IRAG2: variants seen among roughly 807,000 people sequenced by gnomAD.
IRAG2 encodes the protein inositol 1,4,5-triphosphate receptor associated 2.
A neutral mutation model predicts 69.9 loss-of-function variants in IRAG2; 45 were observed. The observed-to-expected ratio is 0.64, with a 90% CI of 0.51 to 0.83. The LOEUF (loss-of-function observed/expected upper bound fraction) is 0.83, where lower values mean the gene tolerates loss of function less well. Among genes scored for constraint, IRAG2 ranks in the 40% least tolerant of loss-of-function variants. The pLI, the probability that IRAG2 is intolerant of heterozygous loss-of-function variation, is 0.00. For missense variants in IRAG2, 520 were observed against 587.0 expected (o/e 0.89, Z 1.18); for synonymous variants, 193 against 202.4 (o/e 0.95, Z 0.40).
chr12:25,050,540 C>CA (rs1565535121), upstream of IRAG2, among the ~76,000 whole-genome samples: 1,081 of 14,302 alleles, frequency 0.076, 34 homozygotes, highest in South Asian at 0.17. Flanking sequence ...AAAAAACAAA[C>CA]AAACAAACAA....
In IRAG2 at chr12:25,103,849, C is replaced by A; in HGVS notation, c.946C>A (p.Arg316=). ...ASLNSKPSSL[R]RVTIASLPRN... ...CTCCTTCTGGTAGCCATCTTCTCTA[C>A]GAAGAGTGACTATTGCCTCTTTACC... The change falls in exon 18 of 22, where the codon CGA becomes AGA. Residue 316 remains arginine (R), a synonymous_variant. Coordinates refer to ENST00000556887, the MANE Select transcript of IRAG2 (RefSeq NM_001366544.2). The A allele has an allele frequency of 6.2e-7, 1 of 1,612,168 alleles. No individual in the cohort carries two copies. Among genetic ancestry groups the A allele is most frequent in the South Asian group, 1.1e-5 (1 of 91,008 alleles).
Position 25,083,427 on chromosome 12 carries a change from A to G in IRAG2, c.249A>G (p.Thr83=). ...SASPTIEAQG[T]SPAHDNIAFQ... Reference sequence around the variant, plus strand: ...TGTGTTTCCTGTTTCTCACAGGCACAAGTCCAGCTCATGATAATATTGCAT... The same window carrying G: ...TGTGTTTCCTGTTTCTCACAGGCACGAGTCCAGCTCATGATAATATTGCAT... The change falls in exon 10 of 22, where the codon ACA becomes ACG. Residue 83 remains threonine, a synonymous_variant. Transcript: ENST00000556887. 1 of 1,609,748 alleles carries G rather than the reference A, an allele frequency of 6.2e-7. No homozygotes were observed.
intron 6 of IRAG2, among the ~76,000 whole-genome samples, chr12:25,077,266 A>AAT (rs57883311): frequency 0.28 from 9,027 of 32,076 alleles, 2,504 homozygotes; most frequent in Middle Eastern, 0.31. Context: ...ATATATATGA[A>AAT]ATATATATGA....
At position 25,107,876 on chromosome 12, in the gene IRAG2, AG is replaced by A. The variant is rs1949316873; in HGVS notation, c.1318del (p.Ala440ProfsTer15). Reference protein sequence around the residue: ...NLKSSIRKANKALWLSIAFIV... With the variant: ...NLKSSIRKANXALWLSIAFIV... ...AAGTCCTCCATCAGAAAGGCTAATA[AG>A]GCCCTCTGGCTCTCTATTGCATTCA... On this transcript the variant is annotated frameshift_variant, in exon 22 of 22. Transcript: ENST00000556887. LOFTEE classifies it high-confidence loss of function. 3 of 1,614,046 alleles carry A rather than the reference AG, an allele frequency of 1.9e-6. No homozygotes were observed.
chr12:25,064,397 T>C (rs1026477018), intron 4 of IRAG2, among the ~76,000 whole-genome samples: 1 of 152,164 alleles, frequency 6.6e-6, no homozygotes, highest in African/African-American at 2.4e-5. Context: ...GGCAAGTCAT[T>C]TTGAAAATGA....
chr12:25,086,169 G>A (rs1306067359), intron 10 of IRAG2, among the ~76,000 whole-genome samples: 2 of 152,182 alleles, frequency 1.3e-5, no homozygotes, highest in East Asian at 3.8e-4. Flanking sequence ...GGATACTATG[G>A]CAATAATTCA....
chr12:25,001,353 G>A (rs996843609), upstream of IRAG2, among the ~76,000 whole-genome samples: 2 of 152,130 alleles, frequency 1.3e-5, no homozygotes, highest in Non-Finnish European at 2.9e-5. Context: ...GCTTAGGTAG[G>A]AGGATTGCTT....
At chr12:25,064,332 TAAGAA>T (rs1344340406) in intron 4 of IRAG2, among the ~76,000 whole-genome samples, 3 of 151,736 alleles carry the variant, frequency 2.0e-5, no homozygotes, top group South Asian at 2.1e-4. Context: ...ACAAAAAAAA[TAAGAA>T]GAGAAGTAAG....
intron 10 of IRAG2, among the ~76,000 whole-genome samples, chr12:25,087,177 T>G (rs868262383): frequency 1.5e-4 from 19 of 127,552 alleles, no homozygotes; most frequent in African/African-American, 6.3e-4. Flanking sequence ...TTTTTTTTTT[T>G]TTTTTGTTGA....
At chr12:25,096,591 T>C (rs1015565190) in intron 14 of IRAG2, among the ~76,000 whole-genome samples, 2 of 152,224 alleles carry the variant, frequency 1.3e-5, no homozygotes, top group Admixed American at 6.5e-5. Context: ...TTTGTAAGCA[T>C]AATCTCTTTA....
At chr12:25,093,530 C>CACTCA (rs1948212914) in intron 14 of IRAG2, 2 of 153,020 alleles carry the variant, frequency 1.3e-5, no homozygotes, top group African/African-American at 4.8e-5. Context: ...TTCTTCCTGG[C>CACTCA]TTTTTGCACT....
chr12:25,020,334 G>A (rs918473815), intron 6 of IRAG2, among the ~76,000 whole-genome samples: 20 of 152,072 alleles, frequency 1.3e-4, no homozygotes, highest in African/African-American at 7.2e-5. Flanking sequence ...TATTTGTTTA[G>A]TTGTCATCTC....
rs567580417 is a variant in IRAG2 at position 25,063,220 on chromosome 12, G to A, written c.-304+320G>A. 2.0e-4 allele frequency among the ~76,000 whole-genome samples: 30 copies of A among 152,148 alleles called. No homozygotes were observed. In the East Asian group the frequency reaches 5.0e-3, roughly 25 times the overall value. Reference sequence around the variant, plus strand: ...TGGGATTACAGTCATACACCACCACGCCCGGCTAATTTTTGTATTTTTAGT... The same window carrying A: ...TGGGATTACAGTCATACACCACCACACCCGGCTAATTTTTGTATTTTTAGT... On this transcript the variant is annotated intron_variant, in intron 3 of 21. Transcript: ENST00000556887.
intron 7 of IRAG2, among the ~76,000 whole-genome samples, chr12:25,022,071 T>C (rs1944585536): frequency 6.6e-6 from 1 of 152,192 alleles, no homozygotes; most frequent in African/African-American, 2.4e-5. Context: ...CCCTGCCACA[T>C]AGTCACTCTA....
chr12:25,047,655 A>G (rs1175860300), upstream of IRAG2, among the ~76,000 whole-genome samples: 1 of 151,986 alleles, frequency 6.6e-6, no homozygotes, highest in Admixed American at 6.6e-5. Context: ...TGTTCCCCGC[A>G]ATGTGTCCAT....
At chr12:25,024,007 T>A in intron 8 of IRAG2, 1 of 703,260 alleles carries the variant, frequency 1.4e-6, no homozygotes, top group Non-Finnish European at 2.0e-6. Flanking sequence ...ATAAAAATCA[T>A]GTAAATATAG....
At chr12:25,082,709 TTG>T in intron 9 of IRAG2, among the ~76,000 whole-genome samples, 1 of 152,332 alleles carries the variant, frequency 6.6e-6, no homozygotes, top group East Asian at 1.9e-4. Flanking sequence ...GCTTACCATT[TTG>T]TTCTTATTTC....
At chr12:25,074,058 T>TTAC (rs1465052484) in intron 6 of IRAG2, among the ~76,000 whole-genome samples, 13 of 152,256 alleles carry the variant, frequency 8.5e-5, no homozygotes, top group African/African-American at 2.9e-4. Context: ...ACTGGCTTTA[T>TTAC]TACTTATTAG....
chr12:25,033,172 G>C (rs1484533848), intron 12 of IRAG2, among the ~76,000 whole-genome samples: 1 of 152,074 alleles, frequency 6.6e-6, no homozygotes, highest in Non-Finnish European at 1.5e-5. Flanking sequence ...GGCCAGGCTG[G>C]TCTCGAACTC....
Sources: gnomAD v4.1 joint callset for allele counts (sites outside exome capture counted in the v4.1 genomes callset) on GRCh38, gnomAD v4.1.1 for gene constraint, MANE v1.5 for transcripts, NCBI Gene and HGNC (gene_info 2026-07-23, HGNC 2026-07-21) for gene names.